ATXN2: variants seen among roughly 807,000 people sequenced by gnomAD.
ATXN2 encodes ataxin-2.
In ATXN2, 37 loss-of-function variants were observed where a neutral mutation model predicts 138.6. The ratio of observed to expected loss-of-function variants is 0.27; its 90% CI spans 0.21 to 0.35. The LOEUF (loss-of-function observed/expected upper bound fraction) is 0.35, where lower values mean the gene tolerates loss of function less well. Ranked by LOEUF, ATXN2 falls within the 10% of genes least tolerant of loss-of-function variation. The pLI is 1.00. For missense variants in ATXN2, 1,216 were observed against 1,480.3 expected, an observed-to-expected ratio of 0.82 and a Z score of 2.93; for synonymous variants, 549 against 543.7, an observed-to-expected ratio of 1.01 and a Z score of -0.13.
At chr12:111,583,143 C>T (rs867648602) in intron 1 of ATXN2, among the ~76,000 whole-genome samples, 16 of 151,294 alleles carry the variant, frequency 1.1e-4, no homozygotes, top group African/African-American at 3.2e-4. Flanking sequence ...CAGATGCGCA[C>T]CACCATGCCC....
chr12:111,546,574 GA>G (rs1249859901), intron 5 of ATXN2, among the ~76,000 whole-genome samples: 1 of 152,092 alleles, frequency 6.6e-6, no homozygotes, highest in Non-Finnish European at 1.5e-5. Flanking sequence ...TAAGGAAACA[GA>G]AGTAAAGCCA....
rs1035368924 is a variant in ATXN2, at chr12:111,501,785, G to A, written c.1935+7764C>T. Among the ~76,000 whole-genome samples the A allele has an allele frequency of 5.3e-5, 8 of 152,098 alleles. 1 individual carries two copies. Among genetic ancestry groups the A allele is most frequent in the South Asian group, 4.1e-4 (2 of 4,828 alleles). ...AACTATATATATTGCCAAGGACTTCGGAGTTTAATTATCATAAGAGTTCTT... is the reference window on the plus strand; with the variant it reads ...AACTATATATATTGCCAAGGACTTCAGAGTTTAATTATCATAAGAGTTCTT... On this transcript the variant is annotated intron_variant, in intron 14 of 24. Coordinates refer to ENST00000673436, the MANE Select transcript of ATXN2 (RefSeq NM_001372574.1).
chr12:111,507,170 G>A (rs1336272273), intron 14 of ATXN2, among the ~76,000 whole-genome samples: 1 of 150,534 alleles, frequency 6.6e-6, no homozygotes, highest in Non-Finnish European at 1.5e-5. Context: ...GCCCAGTCTG[G>A]GAAGTGAGGA....
chr12:111,488,713 G>A lies in ATXN2; in HGVS notation c.2003C>T (p.Ser668Leu). 1 of 1,611,362 alleles carries A rather than the reference G, an allele frequency of 6.2e-7. No individual in the cohort carries two copies. The highest frequency in any genetic ancestry group is 8.5e-7 in the Non-Finnish European group (1 of 1,178,290). The change falls in exon 15 of 25, where the codon TCA becomes TTA. Residue 668 changes from serine to leucine, a missense_variant. Around this residue, in one of 4 missense-constraint regions of ATXN2, gnomAD observed 490 missense variants for 653.5 expected, o/e 0.75. Transcript: ENST00000673436. ...LLNKNREGEK[S>L]RDLIKDKIEP... is the part of the protein sequence containing the mutation. ...AATTTTGTCTTTGATCAAATCTCTTGATTTTTCTCCCTCTCTATTTTTGTT... is the reference window on the plus strand; with the variant it reads ...AATTTTGTCTTTGATCAAATCTCTTAATTTTTCTCCCTCTCTATTTTTGTT...
At position 111,470,007 on chromosome 12, in the gene ATXN2, T is replaced by C. The variant is rs888636365; in HGVS notation, c.2842+101A>G. 9.1e-6 allele frequency: 12 copies of C among 1,323,932 alleles called. No individual in the cohort carries two copies. The African/African-American group carries it at 1.8e-4, about 20-fold the overall frequency. 82.0% of individuals were successfully genotyped at this position (1,323,932 alleles called of 1,614,324 possible). A position where few individuals can be genotyped will look rare whatever the true frequency, so the allele number is the denominator to read the frequency against. On this transcript the variant is annotated intron_variant, in intron 20 of 24. Transcript: ENST00000673436. ...TTTCCTTCAGATTCTTGACCCTCAA[T>C]GTCATAAAAGGTCAGGTTATTCTTA... is the stretch of plus-strand genomic sequence containing the variant.
rs1236776846 is a variant in ATXN2 at position 111,598,548 on chromosome 12, C to A, written c.251+236G>T. ...CGCCCGCTCCCTCCATCTTGACCGC[C>A]GGGGGAGGGGGCGGGGATGCTGCGG... On this transcript the variant is annotated intron_variant, in intron 1 of 24. Coordinates refer to ENST00000673436, the MANE Select transcript of ATXN2 (RefSeq NM_001372574.1). This position sits in a 1 kb window ranked among gnomAD's most constrained non-coding sequence, Gnocchi z 4.5. The A allele has an allele frequency of 3.1e-6, 3 of 982,688 alleles. No individual in the cohort carries two copies. The highest frequency in any genetic ancestry group is 1.8e-5 in the African/African-American group (1 of 56,544). The allele number at this position is 982,688 out of a possible 1,614,324, so 60.9% of individuals were successfully genotyped here. A position where few individuals can be genotyped will look rare whatever the true frequency, so the allele number is the denominator to read the frequency against.
intron 1 of ATXN2, among the ~76,000 whole-genome samples, chr12:111,565,342 T>C (rs2135804353): frequency 6.6e-6 from 1 of 152,310 alleles, no homozygotes; most frequent in East Asian, 1.9e-4. Flanking sequence ...ATGTGCTCTC[T>C]TTGCGCCTGT....
chr12:111,531,229 A>G (rs1057044905), intron 5 of ATXN2, among the ~76,000 whole-genome samples: 3 of 151,858 alleles, frequency 2.0e-5, no homozygotes, highest in Non-Finnish European at 4.4e-5. Flanking sequence ...CCTGGCCAAC[A>G]TGGTGAAACC....
chr12:111,501,594 T>C (rs2135717723), intron 14 of ATXN2, among the ~76,000 whole-genome samples: 1 of 152,322 alleles, frequency 6.6e-6, no homozygotes, highest in Non-Finnish European at 1.5e-5. Flanking sequence ...CATCGCAAGC[T>C]TTACTGCATT....
chr12:111,485,137 T>C lies in ATXN2; in HGVS notation c.2524+128A>G, dbSNP rs1877546300. 4 of 786,854 alleles carry C rather than the reference T, an allele frequency of 5.1e-6. No individual in the cohort carries two copies. In the South Asian group the frequency reaches 6.3e-5, roughly 12 times the overall value. 48.7% of individuals were successfully genotyped at this position (786,854 alleles called of 1,614,324 possible). A position where few individuals can be genotyped will look rare whatever the true frequency, so the allele number is the denominator to read the frequency against. On this transcript the variant is annotated intron_variant, in intron 18 of 24. Coordinates refer to ENST00000673436, the MANE Select transcript of ATXN2 (RefSeq NM_001372574.1). ...GTGAATATCTATGTAATGTTGTTCATCAAAAGCCAATGCATAGCCTCATCA... is the reference window on the plus strand; with the variant it reads ...GTGAATATCTATGTAATGTTGTTCACCAAAAGCCAATGCATAGCCTCATCA...
chr12:111,532,279 T>C (rs1425028491), intron 5 of ATXN2, among the ~76,000 whole-genome samples: 1 of 152,040 alleles, frequency 6.6e-6, no homozygotes, highest in African/African-American at 2.4e-5. Context: ...CAGGAGTTGG[T>C]GACCAGCCTG....
At chr12:111,580,557 T>C (rs539511412) in intron 1 of ATXN2, among the ~76,000 whole-genome samples, 1 of 145,230 alleles carries the variant, frequency 6.9e-6, no homozygotes, top group Admixed American at 7.1e-5. Context: ...GTGGGTGTAG[T>C]CCCAGCTACT....
chr12:111,486,984 C>T (rs1877686231), intron 15 of ATXN2, among the ~76,000 whole-genome samples, 160 bp from the exon 16 acceptor site: 1 of 152,156 alleles, frequency 6.6e-6, no homozygotes, highest in Non-Finnish European at 1.5e-5. Flanking sequence ...ACTTATATTG[C>T]CCATTCCTTA....
In ATXN2 at chr12:111,514,126, C is replaced by T. The variant is rs545962159; in HGVS notation, c.1376-587G>A. ...TATCATGATCATCAATTTTAAAACTCGGCTTAAAACAGTAAGCAGTAACCT... is the reference window on the plus strand; with the variant it reads ...TATCATGATCATCAATTTTAAAACTTGGCTTAAAACAGTAAGCAGTAACCT... On this transcript the variant is annotated intron_variant, in intron 10 of 24. Coordinates refer to ENST00000673436, the MANE Select transcript of ATXN2 (RefSeq NM_001372574.1). Among the ~76,000 whole-genome samples the T allele has an allele frequency of 1.8e-3, 269 of 152,228 alleles. 1 individual carries two copies. Among genetic ancestry groups the T allele is most frequent in the African/African-American group, 5.8e-3 (242 of 41,520 alleles).
intron 14 of ATXN2, among the ~76,000 whole-genome samples, chr12:111,491,018 G>A (rs767017316): frequency 2.0e-5 from 3 of 152,102 alleles, no homozygotes; most frequent in Non-Finnish European, 4.4e-5. Context: ...TTGGGAGGCC[G>A]AGGCGGACGG....
intron 14 of ATXN2, among the ~76,000 whole-genome samples, chr12:111,493,388 C>T (rs1269211456): frequency 7.4e-6 from 1 of 134,274 alleles, no homozygotes; most frequent in Non-Finnish European, 1.5e-5. Context: ...CCACTGCACT[C>T]CAGGCTGGTA....
intron 18 of ATXN2, among the ~76,000 whole-genome samples, chr12:111,477,030 T>C (rs1592809474): frequency 6.6e-6 from 1 of 151,864 alleles, no homozygotes; most frequent in African/African-American, 2.4e-5. Context: ...ACACATACAA[T>C]ACAGTCAACT....
chr12:111,552,369 C>A lies in ATXN2; in HGVS notation c.482G>T (p.Arg161Leu). 2 of 1,613,850 alleles carry A rather than the reference C, an allele frequency of 1.2e-6. No individual in the cohort carries two copies. Among genetic ancestry groups the A allele is most frequent in the Non-Finnish European group, 1.7e-6 (2 of 1,179,888 alleles). The stretch of plus-strand genomic sequence containing the variant: ...CAAAATACTCTCCATTATTTCTTCA[C>A]GTTTCGGCCCCGAACTGGATTCTGT... ...KSTESSSGPK[R>L]EEIMESILFK... Residue 161 changes from arginine (R) to leucine (L), a missense_variant, in exon 5 of 25, where the codon CGT becomes CTT. Coordinates refer to ENST00000673436, the MANE Select transcript of ATXN2 (RefSeq NM_001372574.1). This position sits in a 1 kb window ranked among gnomAD's most constrained non-coding sequence, Gnocchi z 4.1.
At position 111,520,083 on chromosome 12, in the gene ATXN2, C is replaced by T; in HGVS notation, c.789-7G>A. The T allele has an allele frequency of 6.2e-7, 1 of 1,612,746 alleles. No individual in the cohort carries two copies. The highest frequency in any genetic ancestry group is 1.1e-5 in the South Asian group (1 of 91,044). ...ATCTCTTTCTAAGGGCACTCTGAAA[C>T]ATGAGGAAAAGAAAAGCAAAATGAG... On this transcript the variant is annotated splice_polypyrimidine_tract_variant and splice_region_variant and intron_variant, in intron 7 of 24. Transcript: ENST00000673436.
Sources: allele counts gnomAD v4.1 joint callset (sites outside exome capture counted in the v4.1 genomes callset), GRCh38; gene constraint gnomAD v4.1.1; regional missense constraint gnomAD v4.1.1; non-coding constraint Gnocchi (gnomAD v3.1); transcripts MANE v1.5; gene names NCBI Gene and HGNC (gene_info 2026-07-23, HGNC 2026-07-21).